DMD: variants seen among roughly 807,000 people sequenced by gnomAD.
DMD encodes the protein mutant dystrophin.
Under a neutral mutation model 330.1 loss-of-function variants are expected in DMD, and 63 were observed. That is an observed-to-expected ratio of 0.19 (90% CI 0.16 to 0.24). The LOEUF (loss-of-function observed/expected upper bound fraction) is 0.24. DMD is among the 10% of genes least tolerant of loss of function. The pLI is 1.00. For missense variants in DMD, 3,344 were observed against 2,684.1 expected, an observed-to-expected ratio of 1.25 and a Z score of -5.43; for synonymous variants, 1,223 against 959.8, an observed-to-expected ratio of 1.27 and a Z score of -5.07.
At chrX:33,101,326 G>A (rs1429612802) in intron 1 of DMD, among the ~76,000 whole-genome samples, 1 of 111,995 alleles carries the variant, frequency 8.9e-6, no homozygotes, top group Admixed American at 9.5e-5. Context: ...TGATGAATGG[G>A]CATAAGAGAA....
At chrX:32,459,799 T>C (rs1295298674) in intron 25 of DMD, among the ~76,000 whole-genome samples, 1 of 111,144 alleles carries the variant, frequency 9.0e-6, no homozygotes, top group Non-Finnish European at 1.9e-5. Flanking sequence ...TAAAGGAATG[T>C]GTCATGTTAG....
chrX:32,616,768 C>T (rs2057613372), intron 11 of DMD, among the ~76,000 whole-genome samples: 2 of 88,713 alleles, frequency 2.3e-5, no homozygotes, highest in African/African-American at 4.4e-5. Context: ...ATGCTCCTTG[C>T]TTCTAGGGTG....
chrX:31,288,422 G>T (rs752998281), intron 62 of DMD, among the ~76,000 whole-genome samples: 1 of 111,743 alleles, frequency 8.9e-6, no homozygotes, highest in South Asian at 3.8e-4. Context: ...GGCACATCCA[G>T]GAGTAAGAAA....
chrX:31,206,610 A>G lies in DMD; in HGVS notation c.9621T>C (p.Cys3207=), dbSNP rs1057524037. The G allele has an allele frequency of 5.0e-6, 6 of 1,209,245 alleles. No homozygotes were observed. The highest frequency in any genetic ancestry group is 4.6e-4 in the Middle Eastern group (2 of 4,374). The change falls in exon 66 of 79, where the codon TGT becomes TGC. Residue 3207 remains cysteine (C), a synonymous_variant. Coordinates refer to ENST00000357033, the MANE Select transcript of DMD (RefSeq NM_004006.3). ...TGTACTTGTCTTCCAAATGTGCTTT[A>G]CACAGGGAAATGATGCCAGTTTTAA... The part of the protein sequence containing the change: ...LSFKTGIISL[C]KAHLEDKYRY...
At chrX:33,200,290 T>C (rs1371244096) in intron 1 of DMD, among the ~76,000 whole-genome samples, 1 of 111,408 alleles carries the variant, frequency 9.0e-6, no homozygotes, top group African/African-American at 3.3e-5. Flanking sequence ...CTTTACACTT[T>C]TCAAATGGAA....
intron 9 of DMD, among the ~76,000 whole-genome samples, chrX:32,656,869 C>A (rs1483638503): frequency 9.0e-6 from 1 of 111,513 alleles, no homozygotes; most frequent in Non-Finnish European, 1.9e-5. Context: ...ATGTTTTAAC[C>A]AATCAATACC....
At position 32,197,863 on chromosome X, in the gene DMD, T is replaced by C. The variant is rs745397823; in HGVS notation, c.6438+19053A>G. 6.3e-5 allele frequency among the ~76,000 whole-genome samples: 7 copies of C among 111,399 alleles called. No homozygotes were observed. In the South Asian group the frequency reaches 1.1e-3, roughly 18 times the overall value. ...TGAGAACACTTAAAATCGACTCTCT[T>C]AGTAATTTTCGAAAACATATTATTA... On this transcript the variant is annotated intron_variant, in intron 44 of 78. Transcript: ENST00000357033.
chrX:32,434,738 T>A (rs2098252665), intron 29 of DMD, among the ~76,000 whole-genome samples: 1 of 111,898 alleles, frequency 8.9e-6, no homozygotes, highest in African/African-American at 3.2e-5. Context: ...TAGTTTGAAA[T>A]TGATCAAAGT....
chrX:32,329,316 C>T (rs2097667278), intron 41 of DMD, among the ~76,000 whole-genome samples: 1 of 112,153 alleles, frequency 8.9e-6, no homozygotes, highest in Admixed American at 9.4e-5. Context: ...GGCAGGCCAC[C>T]TGTGGAGATA....
At chrX:31,310,506 G>A (rs1206738843) in intron 62 of DMD, among the ~76,000 whole-genome samples, 1 of 108,407 alleles carries the variant, frequency 9.2e-6, no homozygotes, top group African/African-American at 3.3e-5. Flanking sequence ...AACACAGGGT[G>A]CCTACATTTT....
At chrX:33,098,519 G>A (rs1309906842) in intron 1 of DMD, among the ~76,000 whole-genome samples, 2 of 110,939 alleles carry the variant, frequency 1.8e-5, no homozygotes, top group African/African-American at 6.6e-5. Flanking sequence ...CTCTTAAGTA[G>A]CACGGCACTA....
chrX:33,115,163 T>C, intron 1 of DMD, among the ~76,000 whole-genome samples: 1 of 112,206 alleles, frequency 8.9e-6, no homozygotes, highest in Middle Eastern at 4.6e-3. Flanking sequence ...TTGAATAAAC[T>C]ACTTAATCCT....
intron 51 of DMD, among the ~76,000 whole-genome samples, chrX:31,742,545 C>G (rs992707592): frequency 2.7e-5 from 3 of 111,478 alleles, no homozygotes; most frequent in African/African-American, 9.8e-5. Context: ...CCAGAACACA[C>G]AAAACATTGA....
intron 9 of DMD, among the ~76,000 whole-genome samples, chrX:32,659,768 G>A (rs1342876791): frequency 3.6e-5 from 4 of 110,686 alleles, no homozygotes; most frequent in Admixed American, 1.9e-4. Flanking sequence ...GACAAGAAAT[G>A]ACACAAACTC....
intron 2 of DMD, among the ~76,000 whole-genome samples, chrX:32,941,167 C>T (rs1164911572): frequency 9.0e-6 from 1 of 111,336 alleles, no homozygotes; most frequent in African/African-American, 3.3e-5. Context: ...CTGGTGAAGC[C>T]GCAGAGAAAA....
intron 7 of DMD, among the ~76,000 whole-genome samples, chrX:32,799,316 A>G (rs2076380392): frequency 9.0e-6 from 1 of 111,475 alleles, no homozygotes; most frequent in Admixed American, 9.6e-5. Flanking sequence ...GAGGATACAA[A>G]AATTTCTCTC....
chrX:31,722,741 A>G (rs2085666255), intron 52 of DMD, among the ~76,000 whole-genome samples: 1 of 110,882 alleles, frequency 9.0e-6, no homozygotes, highest in East Asian at 2.9e-4. Flanking sequence ...CATACAGTGT[A>G]GCATCTATAA....
At chrX:31,781,203 T>A (rs1406861266) in intron 50 of DMD, among the ~76,000 whole-genome samples, 2 of 111,895 alleles carry the variant, frequency 1.8e-5, no homozygotes, top group African/African-American at 6.5e-5. Flanking sequence ...AGGGTAGATG[T>A]TATCATCCCC....
At chrX:31,499,738 C>A (rs747648333) in intron 56 of DMD, among the ~76,000 whole-genome samples, 1 of 111,767 alleles carries the variant, frequency 8.9e-6, no homozygotes, top group South Asian at 3.8e-4. Flanking sequence ...GGTGATCCAC[C>A]TGCCTCAGCC....
Sources: gnomAD v4.1 joint callset for allele counts (sites outside exome capture counted in the v4.1 genomes callset) on GRCh38, gnomAD v4.1.1 for gene constraint, MANE v1.5 for transcripts, NCBI Gene and HGNC (gene_info 2026-07-23, HGNC 2026-07-21) for gene names.